FMN1: variants seen among roughly 807,000 people sequenced by gnomAD.
FMN1 encodes the protein formin-1.
FMN1 carries 110 observed loss-of-function variants against 132.4 expected under a neutral mutation model. The ratio of observed to expected loss-of-function variants is 0.83; its 90% CI spans 0.71 to 0.97. The LOEUF is 0.97. Among genes scored for constraint, FMN1 ranks in the 50% least tolerant of loss-of-function variants. The pLI is 0.00. For synonymous variants in FMN1, 722 were observed against 651.7 expected, an observed-to-expected ratio of 1.11 and a Z score of -1.64; for missense variants, 1,792 against 1,705.3, an observed-to-expected ratio of 1.05 and a Z score of -0.90.
chr15:32,883,783 T>C (rs905196761), intron 16 of FMN1, among the ~76,000 whole-genome samples: 3 of 152,142 alleles, frequency 2.0e-5, no homozygotes, highest in Non-Finnish European at 4.4e-5. Context: ...CAAGCCAATG[T>C]TTCATGCTTT....
intron 5 of FMN1, among the ~76,000 whole-genome samples, chr15:33,065,570 G>A (rs984218761): frequency 7.2e-5 from 11 of 152,086 alleles, no homozygotes; most frequent in Non-Finnish European, 1.5e-4. Context: ...AATGAGATTT[G>A]CCTTCATATT....
chr15:32,785,218 A>ATATATATATTTTTTTTTTTTTTTT (rs1444523400), intron 19 of FMN1, among the ~76,000 whole-genome samples: 2 of 39,206 alleles, frequency 5.1e-5, no homozygotes, highest in Non-Finnish European at 9.0e-5. Context: ...ATATATATAT[A>ATATATATATTTTTTTTTTTTTTTT]TTTTTTTTTT....
chr15:33,088,186 T>TG (rs1276739268), intron 5 of FMN1, among the ~76,000 whole-genome samples: 2 of 152,004 alleles, frequency 1.3e-5, no homozygotes, highest in East Asian at 3.8e-4. Flanking sequence ...AAACACCACC[T>TG]GTTCGCCAAA....
intron 2 of FMN1, among the ~76,000 whole-genome samples, chr15:33,180,772 A>T (rs1211835281): frequency 7.4e-6 from 1 of 134,432 alleles, no homozygotes; most frequent in East Asian, 2.0e-4. Flanking sequence ...TTTTTAAGAC[A>T]GAGTCTCACT....
intron 7 of FMN1, among the ~76,000 whole-genome samples, chr15:32,977,052 G>C (rs2032267368): frequency 6.6e-6 from 1 of 152,240 alleles, no homozygotes; most frequent in African/African-American, 2.4e-5. Flanking sequence ...TTAATATTTT[G>C]AATATCAGAT....
chr15:33,022,326 G>GC (rs2035455716), intron 6 of FMN1, among the ~76,000 whole-genome samples: 1 of 152,200 alleles, frequency 6.6e-6, no homozygotes. Context: ...AAGTGCCACA[G>GC]CAAGACTTGA....
At chr15:32,891,564 A>G (rs1382764466) in intron 15 of FMN1, among the ~76,000 whole-genome samples, 2 of 152,176 alleles carry the variant, frequency 1.3e-5, no homozygotes, top group Non-Finnish European at 2.9e-5. Flanking sequence ...TCTGTTAAGA[A>G]TGATGGTGGT....
intron 6 of FMN1, among the ~76,000 whole-genome samples, chr15:33,046,507 A>G (rs1165187024): frequency 6.6e-6 from 1 of 152,168 alleles, no homozygotes; most frequent in Non-Finnish European, 1.5e-5. Flanking sequence ...TGTCACAAGT[A>G]TTTTGCTCTG....
In FMN1 at chr15:32,777,935, TATA is replaced by T. The variant is rs201382274; in HGVS notation, c.4131-1019_4131-1017del. 1.6e-3 allele frequency among the ~76,000 whole-genome samples: 3 copies of T among 1,934 alleles called. 1 individual carries two copies. The highest frequency in any genetic ancestry group is 0.023 in the Non-Finnish European group (1 of 44). The allele number at this position is 1,934 out of a possible 152,430, so 1.3% of individuals were successfully genotyped here. ...ATATTATGTATAATATATAATACAT[TATA>T]TATTATGTATAATATATAATACATT... On this transcript the variant is annotated intron_variant, in intron 19 of 20. Coordinates refer to ENST00000616417, the MANE Select transcript of FMN1 (RefSeq NM_001277313.2).
chr15:32,842,370 CA>C (rs1451801121), intron 17 of FMN1, among the ~76,000 whole-genome samples: 1 of 152,178 alleles, frequency 6.6e-6, no homozygotes, highest in Non-Finnish European at 1.5e-5. Flanking sequence ...AATCTAACTC[CA>C]ACTTCACAGG....
chr15:33,099,162 G>A (rs1018930385), intron 4 of FMN1, among the ~76,000 whole-genome samples: 5 of 152,006 alleles, frequency 3.3e-5, no homozygotes, highest in Admixed American at 2.6e-4. Flanking sequence ...GGGGTGGCGC[G>A]CACCTGTAGT....
intron 4 of FMN1, among the ~76,000 whole-genome samples, chr15:33,128,406 C>G (rs944402981): frequency 6.6e-5 from 10 of 152,136 alleles, no homozygotes; most frequent in Non-Finnish European, 1.5e-4. Flanking sequence ...GCCATTTGTT[C>G]ATCAACAAAA....
intron 6 of FMN1, among the ~76,000 whole-genome samples, chr15:33,062,227 C>A (rs1042970998): frequency 2.1e-4 from 32 of 152,224 alleles, no homozygotes; most frequent in Admixed American, 1.8e-3. Context: ...AAGCATTTAT[C>A]CTAAGATAAA....
At chr15:32,988,069 T>C (rs1481683049) in intron 7 of FMN1, among the ~76,000 whole-genome samples, 1 of 139,108 alleles carries the variant, frequency 7.2e-6, no homozygotes, top group African/African-American at 2.8e-5. Flanking sequence ...TTTTTTTTTT[T>C]TCTTTTTTTA....
At position 33,153,727 on chromosome 15, in the gene FMN1, C is replaced by T. The variant is rs1015414185; in HGVS notation, c.1188G>A (p.Ser396=). The part of the protein sequence containing the change: ...QGKERQGDRS[S]QSPAGETASI... ...AGGCTGTTTCCCCGGCTGGCGACTG[C>T]GATGACCTATCCCCTTGCCGCTCCT... Residue 396 remains serine (S), a synonymous_variant, in exon 4 of 21, where the codon TCG becomes TCA. Coordinates refer to ENST00000616417, the MANE Select transcript of FMN1 (RefSeq NM_001277313.2). The T allele has an allele frequency of 9.8e-6, 15 of 1,536,124 alleles. No homozygotes were observed. Among genetic ancestry groups the T allele is most frequent in the East Asian group, 4.9e-5 (2 of 40,916 alleles).
intron 10 of FMN1, among the ~76,000 whole-genome samples, chr15:32,925,690 T>C (rs936076655): frequency 1.3e-5 from 2 of 152,186 alleles, no homozygotes; most frequent in Admixed American, 6.5e-5. Flanking sequence ...TTAGAACCAC[T>C]TATGTGATGA....
chr15:32,888,368 AG>A, intron 15 of FMN1, 76 bp from the exon 16 acceptor site: 2 of 1,351,176 alleles, frequency 1.5e-6, no homozygotes, highest in Non-Finnish European at 2.0e-6. Flanking sequence ...AGCATCAATG[AG>A]AAAAAAAAAA....
chr15:32,946,342 C>T (rs549387716), intron 9 of FMN1, among the ~76,000 whole-genome samples: 117 of 152,244 alleles, frequency 7.7e-4, no homozygotes, highest in African/African-American at 2.6e-3. Flanking sequence ...CGTCTACACC[C>T]ATCTTGACTG....
intron 7 of FMN1, among the ~76,000 whole-genome samples, chr15:32,991,818 GC>G (rs1346527978): frequency 6.6e-6 from 1 of 152,086 alleles, no homozygotes; most frequent in Non-Finnish European, 1.5e-5. Flanking sequence ...ACACTCAAAG[GC>G]CACAGGCATT....
Sources: allele counts gnomAD v4.1 joint callset (sites outside exome capture counted in the v4.1 genomes callset), GRCh38; gene constraint gnomAD v4.1.1; transcripts MANE v1.5; gene names NCBI Gene and HGNC (gene_info 2026-07-23, HGNC 2026-07-21).